The following UGT8 variants were observed in gnomAD, a reference collection of about 807,000 sequenced individuals.
The protein encoded by UGT8 is UDP glycosyltransferase 8.
In UGT8, 12 loss-of-function variants were observed where a neutral mutation model predicts 40.5. The observed-to-expected ratio is 0.30, with a 90% CI of 0.19 to 0.48. UGT8 has a LOEUF of 0.48. Among genes scored for constraint, UGT8 ranks in the 20% least tolerant of loss-of-function variants. UGT8 has a pLI of 0.99. For missense variants in UGT8, 513 were observed against 648.7 expected (o/e 0.79, Z 2.27); for synonymous variants, 224 against 240.4 (o/e 0.93, Z 0.63).
In UGT8 at chr4:114,652,219, G is replaced by T. The variant is rs184473190; in HGVS notation, c.823-11776G>T. Among the ~76,000 whole-genome samples the T allele has an allele frequency of 1.9e-4, 29 of 152,194 alleles. No individual in the cohort carries two copies. The East Asian group carries it at 4.1e-3, about 21-fold the overall frequency. ...ACCTGTTGAATTTCAATAGATGGAA[G>T]TACTTCTAACAAAGGAAATCAGAGA... On this transcript the variant is annotated intron_variant, in intron 2 of 5. Transcript: ENST00000310836.
chr4:114,606,435 T>C (rs1370804797), intron 1 of UGT8, among the ~76,000 whole-genome samples: 1 of 152,114 alleles, frequency 6.6e-6, no homozygotes, highest in African/African-American at 2.4e-5. Flanking sequence ...AGAAGGCCTT[T>C]GTGTTTTACA....
intron 1 of UGT8, among the ~76,000 whole-genome samples, chr4:114,608,333 G>A (rs1730853412): frequency 6.6e-6 from 1 of 152,112 alleles, no homozygotes; most frequent in Admixed American, 6.5e-5. Context: ...CTTAGAGGGT[G>A]GAGTCTCTTG....
At chr4:114,666,903 T>C (rs1734920051) in intron 4 of UGT8, among the ~76,000 whole-genome samples, 1 of 152,074 alleles carries the variant, frequency 6.6e-6, no homozygotes, top group Admixed American at 6.5e-5. Flanking sequence ...AGCTTCTAAC[T>C]ATGATCAAAA....
intron 2 of UGT8, among the ~76,000 whole-genome samples, chr4:114,637,949 A>C (rs1457378617): frequency 6.6e-6 from 1 of 152,210 alleles, no homozygotes; most frequent in Non-Finnish European, 1.5e-5. Flanking sequence ...TCAGAATTAC[A>C]GGCTAAAATA....
At chr4:114,616,874 T>G (rs943078140) in intron 1 of UGT8, among the ~76,000 whole-genome samples, 2 of 152,212 alleles carry the variant, frequency 1.3e-5, no homozygotes, top group African/African-American at 4.8e-5. Flanking sequence ...CTGTATCAAA[T>G]TTCAGCATAT....
chr4:114,670,853 T>C (rs1735222000), intron 5 of UGT8, among the ~76,000 whole-genome samples: 1 of 152,110 alleles, frequency 6.6e-6, no homozygotes. Flanking sequence ...GGTATTCAAA[T>C]AGGAAGAGAG....
chr4:114,653,243 A>T (rs370915762), intron 2 of UGT8, among the ~76,000 whole-genome samples: 1 of 152,122 alleles, frequency 6.6e-6, no homozygotes, highest in African/African-American at 2.4e-5. Flanking sequence ...TGCTCATAAG[A>T]TAGAAACACT....
intron 2 of UGT8, among the ~76,000 whole-genome samples, chr4:114,655,009 A>G (rs1178005061): frequency 1.3e-5 from 2 of 150,948 alleles, no homozygotes; most frequent in African/African-American, 4.9e-5. Flanking sequence ...ATTTCCCTAC[A>G]TTGTTTTTAC....
intron 1 of UGT8, among the ~76,000 whole-genome samples, chr4:114,610,549 A>G (rs183475475): frequency 7.9e-4 from 121 of 152,300 alleles, no homozygotes; most frequent in African/African-American, 2.7e-3. Flanking sequence ...AGGAACATCA[A>G]AGAAATTCAT....
At position 114,663,749 on chromosome 4, in the gene UGT8, AT is replaced by A. The variant is rs561385693; in HGVS notation, c.823-240del. 3.1e-5 allele frequency: 31 copies of A among 985,014 alleles called. No homozygotes were observed. The South Asian group carries it at 8.5e-4, about 27-fold the overall frequency. 61.0% of individuals were successfully genotyped at this position (985,014 alleles called of 1,614,324 possible). A position where few individuals can be genotyped will look rare whatever the true frequency, so the allele number is the denominator to read the frequency against. ...TGAGATTTTAAGCCTTTAGCAACTG[AT>A]TTTTTAAGTTGTTTTTGTTACTTAC... On this transcript the variant is annotated intron_variant, in intron 2 of 5. Transcript: ENST00000310836.
rs185456804 is a variant in UGT8, at chr4:114,678,071, T to A, written c.*1783T>A. Reference sequence around the variant, plus strand: ...AGGGAAAAAAGACACAGGCAATGAATGGTGGGATAGTAAGAGGACTTAGAG... The same window carrying A: ...AGGGAAAAAAGACACAGGCAATGAAAGGTGGGATAGTAAGAGGACTTAGAG... On this transcript the variant is annotated 3_prime_UTR_variant, in exon 6 of 6. Coordinates refer to ENST00000310836, the MANE Select transcript of UGT8 (RefSeq NM_001128174.3). The A allele has an allele frequency of 6.6e-6, 1 of 152,292 alleles. No homozygotes were observed. Among genetic ancestry groups the A allele is most frequent in the East Asian group, 1.9e-4 (1 of 5,184 alleles). 9.4% of individuals were successfully genotyped at this position (152,292 alleles called of 1,614,324 possible).
At position 114,668,231 on chromosome 4, in the gene UGT8, A is replaced by T; in HGVS notation, c.1189A>T (p.Ile397Leu). Residue 397 changes from isoleucine to leucine, a missense_variant, in exon 5 of 6, where the codon ATA becomes TTA. Transcript: ENST00000310836. ...CAGAGTACAGGCAAAAGGCATGGGG[A>T]TATTGCTAGAATGGAAGACAGTTAC... is the stretch of plus-strand genomic sequence containing the variant. ...MTRVQAKGMG[I>L]LLEWKTVTEK... 2.5e-6 allele frequency: 4 copies of T among 1,613,872 alleles called. No homozygotes were observed. Among genetic ancestry groups the T allele is most frequent in the South Asian group, 2.2e-5 (2 of 91,076 alleles).
chr4:114,606,288 G>A (rs1349004276), intron 1 of UGT8, among the ~76,000 whole-genome samples: 9 of 152,122 alleles, frequency 5.9e-5, no homozygotes, highest in South Asian at 4.1e-4. Context: ...TACTAGCAAC[G>A]GAATGAGTGA....
At chr4:114,671,490 G>C (rs928876605) in intron 5 of UGT8, among the ~76,000 whole-genome samples, 4 of 152,080 alleles carry the variant, frequency 2.6e-5, no homozygotes, top group Non-Finnish European at 5.9e-5. Flanking sequence ...ATAGACCAAT[G>C]GAGCAGAACA....
intron 1 of UGT8, among the ~76,000 whole-genome samples, chr4:114,600,898 T>A (rs1342716892): frequency 3.9e-5 from 6 of 152,216 alleles, no homozygotes; most frequent in Admixed American, 2.6e-4. Flanking sequence ...ATTGTATGAT[T>A]TGCCTGCCAC....
At chr4:114,659,763 A>G (rs1490150107) in intron 2 of UGT8, among the ~76,000 whole-genome samples, 1 of 152,242 alleles carries the variant, frequency 6.6e-6, no homozygotes, top group Non-Finnish European at 1.5e-5. Flanking sequence ...ACCAAAAAAG[A>G]TGGGTCCTTA....
At chr4:114,630,600 C>T (rs1321115229) in intron 2 of UGT8, among the ~76,000 whole-genome samples, 8 of 151,056 alleles carry the variant, frequency 5.3e-5, no homozygotes, top group Admixed American at 2.6e-4. Flanking sequence ...TCTCTTCATT[C>T]GGGCTGTTGA....
intron 2 of UGT8, among the ~76,000 whole-genome samples, chr4:114,640,952 C>CCTT (rs1168607150): frequency 6.6e-6 from 1 of 152,064 alleles, no homozygotes. Flanking sequence ...ACCAAAAGGA[C>CCTT]AGGCTAGTCT....
At chr4:114,620,144 T>A (rs1172250470) in intron 1 of UGT8, among the ~76,000 whole-genome samples, 1 of 152,172 alleles carries the variant, frequency 6.6e-6, no homozygotes, top group Non-Finnish European at 1.5e-5. Flanking sequence ...GCATTTGTTC[T>A]CTATGATCAT....
Sources: gnomAD v4.1 joint callset for allele counts (sites outside exome capture counted in the v4.1 genomes callset) on GRCh38, gnomAD v4.1.1 for gene constraint, MANE v1.5 for transcripts, NCBI Gene and HGNC (gene_info 2026-07-23, HGNC 2026-07-21) for gene names.